The following MTFR1 variants were observed in gnomAD, a reference collection of about 807,000 sequenced individuals.
MTFR1 encodes chondrocyte protein with a poly-proline region.
A neutral mutation model predicts 38.8 loss-of-function variants in MTFR1; 28 were observed. That is an observed-to-expected ratio of 0.72 (90% CI 0.53 to 0.99). The LOEUF is 0.99. MTFR1 is among the 50% of genes least tolerant of loss of function. MTFR1 has a pLI of 0.00. For synonymous variants in MTFR1, 145 were observed against 137.0 expected (o/e 1.06, Z -0.41); for missense variants, 358 against 395.5 (o/e 0.91, Z 0.81).
rs774822390 is a variant in MTFR1 at position 65,670,016 on chromosome 8, T to C, written c.64T>C (p.Ser22Pro). 13 of 1,595,510 alleles carry C rather than the reference T, an allele frequency of 8.1e-6. No homozygotes were observed. Among genetic ancestry groups the C allele is most frequent in the Non-Finnish European group, 1.1e-5 (13 of 1,175,774 alleles). ...VFQQVGVSMQ[S>P]VLWSRKPYGS... ...TCAACAAGTTGGAGTAAGCATGCAA[T>C]CGGTGAGTGCTCAAAATTCATTTTT... The change falls in exon 2 of 8, where the codon TCG becomes CCG. Residue 22 changes from serine to proline, a missense_variant and splice_region_variant. By Grantham distance (74) the Ser-to-Pro change is moderately conservative. Transcript: ENST00000262146.
intron 3 of MTFR1, chr8:65,734,924 T>C (rs772385966): frequency 5.1e-6 from 7 of 1,366,132 alleles, no homozygotes; most frequent in East Asian, 4.6e-5. Flanking sequence ...CCCGATTTTA[T>C]TGTATATGAG....
intron 3 of MTFR1, among the ~76,000 whole-genome samples, chr8:65,733,045 G>A (rs1806965596): frequency 6.6e-6 from 1 of 152,130 alleles, no homozygotes; most frequent in African/African-American, 2.4e-5. Context: ...ACTATGATAA[G>A]GGAGAAGGGA....
rs776597014 is a variant in MTFR1 at position 65,707,244 on chromosome 8, G to A, written c.752G>A (p.Arg251Gln). The change falls in exon 6 of 8, where the codon CGG (arginine) becomes CAG (glutamine). Residue 251 changes from arginine to glutamine, a missense_variant. Arg to Gln is a conservative substitution (Grantham distance 43). Coordinates refer to ENST00000262146, the MANE Select transcript of MTFR1 (RefSeq NM_014637.4). ...ILKEMNSVKL[R>Q]SVKRSEQDVK... ...AAAGAGATGAACAGTGTAAAACTTC[G>A]GTCAGTGAAGAGGTGAGGATACATT... 13 of 1,613,652 alleles carry A rather than the reference G, an allele frequency of 8.1e-6. No homozygotes were observed. The highest frequency in any genetic ancestry group is 1.6e-4 in the Middle Eastern group (1 of 6,084).
In MTFR1 at chr8:65,693,798, T is replaced by A. The variant is rs769938792; in HGVS notation, c.281+39T>A. On this transcript the variant is annotated intron_variant, in intron 4 of 7. Coordinates refer to ENST00000262146, the MANE Select transcript of MTFR1 (RefSeq NM_014637.4). ...GCTATCAGAACTGAGATGCAATATC[T>A]ATTTTTTTAAAGAATGATATTATTT... 7.5e-6 allele frequency: 11 copies of A among 1,461,524 alleles called. No homozygotes were observed. In the African/African-American group the frequency reaches 1.4e-4, roughly 19 times the overall value. The allele number at this position is 1,461,524 out of a possible 1,614,324, so 90.5% of individuals were successfully genotyped here. A position where few individuals can be genotyped will look rare whatever the true frequency, so the allele number is the denominator to read the frequency against.
At chr8:65,731,986 ATTGTTGTTG>A (rs59755336) in intron 3 of MTFR1, among the ~76,000 whole-genome samples, 23 of 138,666 alleles carry the variant, frequency 1.7e-4, no homozygotes, top group African/African-American at 4.7e-4. Context: ...TATTATTATT[ATTGTTGTTG>A]TTGTTGTTGT....
intron 3 of MTFR1, among the ~76,000 whole-genome samples, chr8:65,753,378 T>G (rs2128909577): frequency 6.6e-6 from 1 of 152,290 alleles, no homozygotes; most frequent in Non-Finnish European, 1.5e-5. Context: ...AACTGCTTCT[T>G]AGGATCATGC....
chr8:65,689,597 T>G, intron 3 of MTFR1: 1 of 1,276,162 alleles, frequency 7.8e-7, no homozygotes, highest in Non-Finnish European at 1.0e-6. Flanking sequence ...CTGGGAACCT[T>G]CAGTAAGTTG....
intron 3 of MTFR1, 143 bp downstream of exon 3, chr8:65,682,594 C>A: frequency 1.6e-6 from 1 of 618,576 alleles, no homozygotes; most frequent in Non-Finnish European, 2.2e-6. Flanking sequence ...GGATTAAAAA[C>A]CACAGTAAAG....
Position 65,655,970 on chromosome 8 carries a change from C to CATATATATATACATGTATATATATAT in MTFR1, c.-81+11197_-81+11198insCATGTATATATATATATATATATATA, listed in dbSNP as rs1809253836. 3.9e-3 allele frequency among the ~76,000 whole-genome samples: 207 copies of CATATATATATACATGTATATATATAT among 53,618 alleles called. 15 individuals carry two copies. Among genetic ancestry groups the CATATATATATACATGTATATATATAT allele is most frequent in the South Asian group, 0.02 (29 of 1,428 alleles). 35.2% of individuals were successfully genotyped at this position (53,618 alleles called of 152,430 possible). ...AAAAAAAATATATATATATATATAC[C>CATATATATATACATGTATATATATAT]ATATATATATATATGGTAGTGGGTT... is the stretch of plus-strand genomic sequence containing the variant. On this transcript the variant is annotated intron_variant, in intron 1 of 7. Coordinates refer to ENST00000262146, the MANE Select transcript of MTFR1 (RefSeq NM_014637.4).
intron 3 of MTFR1, among the ~76,000 whole-genome samples, chr8:65,751,850 C>A (rs1180948760): frequency 6.6e-6 from 1 of 152,160 alleles, no homozygotes. Context: ...ACTTATTTTA[C>A]ATAAATGGTA....
intron 4 of MTFR1, among the ~76,000 whole-genome samples, chr8:65,695,355 T>G (rs911873369): frequency 3.9e-5 from 6 of 151,922 alleles, no homozygotes; most frequent in South Asian, 4.2e-4. Context: ...CAATTTTTTT[T>G]TTTGTTTTGT....
intron 1 of MTFR1, among the ~76,000 whole-genome samples, chr8:65,647,010 G>C (rs1351687286): frequency 6.6e-6 from 1 of 152,218 alleles, no homozygotes; most frequent in African/African-American, 2.4e-5. Flanking sequence ...CAGAAGTCCA[G>C]AAGTCAGGTC....
chr8:65,654,779 T>C (rs1213400252), intron 1 of MTFR1, among the ~76,000 whole-genome samples: 1 of 152,164 alleles, frequency 6.6e-6, no homozygotes, highest in Admixed American at 6.5e-5. Flanking sequence ...GGTCTTGTTA[T>C]GTTGCCCAGG....
intron 3 of MTFR1, chr8:65,725,053 T>C (rs1033631059): frequency 4.1e-6 from 2 of 485,162 alleles, no homozygotes; most frequent in East Asian, 6.8e-5. Flanking sequence ...AATTTAAAAT[T>C]TATCACACAA....
intron 1 of MTFR1, among the ~76,000 whole-genome samples, chr8:65,645,921 TATA>T (rs1455770453): frequency 6.6e-6 from 1 of 152,296 alleles, no homozygotes; most frequent in East Asian, 1.9e-4. Context: ...TAATCATACA[TATA>T]ATAATTTGCT....
At chr8:65,650,487 C>G (rs1478889941) in intron 1 of MTFR1, among the ~76,000 whole-genome samples, 1 of 152,094 alleles carries the variant, frequency 6.6e-6, no homozygotes, top group African/African-American at 2.4e-5. Flanking sequence ...TCCTTATACT[C>G]TTATCTGCAT....
chr8:65,774,466 T>TAA (rs1809200518), downstream of MTFR1, among the ~76,000 whole-genome samples: 1 of 152,112 alleles, frequency 6.6e-6, no homozygotes, highest in African/African-American at 2.4e-5. Context: ...CTCAGGCTTT[T>TAA]AGAGAGATAA....
In MTFR1 at chr8:65,693,757, A is replaced by C; in HGVS notation, c.279A>C (p.Leu93=). Reference sequence around the variant, plus strand: ...AAGAAGGAGAGTGTTCAGCAAGACTAAGGTTAGTTTGGAAGGCTATCAGAA... The same window carrying C: ...AAGAAGGAGAGTGTTCAGCAAGACTCAGGTTAGTTTGGAAGGCTATCAGAA... The part of the protein sequence containing the change: ...AKEEGECSAR[L]RTEVRSRPPL... The change falls in exon 4 of 8, where the codon CTA becomes CTC. Residue 93 remains leucine (L), a splice_region_variant and synonymous_variant. Coordinates refer to ENST00000262146, the MANE Select transcript of MTFR1 (RefSeq NM_014637.4). 1 of 1,612,660 alleles carries C rather than the reference A, an allele frequency of 6.2e-7. No homozygotes were observed. The highest frequency in any genetic ancestry group is 8.5e-7 in the Non-Finnish European group (1 of 1,178,762).
intron 3 of MTFR1, among the ~76,000 whole-genome samples, chr8:65,770,001 A>C (rs926094748): frequency 1.3e-5 from 2 of 152,204 alleles, no homozygotes; most frequent in Admixed American, 6.5e-5. Context: ...ACTCTTAAAA[A>C]TTTTTGTCCA....
Sources: gnomAD v4.1 joint callset for allele counts (sites outside exome capture counted in the v4.1 genomes callset) on GRCh38, gnomAD v4.1.1 for gene constraint, MANE v1.5 for transcripts, NCBI Gene and HGNC (gene_info 2026-07-23, HGNC 2026-07-21) for gene names.